TMEM177: variants seen among roughly 807,000 people sequenced by gnomAD.
TMEM177 encodes transmembrane protein 177.
In TMEM177, 4 loss-of-function variants were observed where a neutral mutation model predicts 14.2. That is an observed-to-expected ratio of 0.28 (90% CI 0.14 to 0.64). The LOEUF (loss-of-function observed/expected upper bound fraction) is 0.64. Ranked by LOEUF, TMEM177 falls within the 30% of genes least tolerant of loss-of-function variation. The pLI is 0.82. For synonymous variants in TMEM177, 179 were observed against 174.5 expected, an observed-to-expected ratio of 1.03 and a Z score of -0.20; for missense variants, 344 against 405.2, an observed-to-expected ratio of 0.85 and a Z score of 1.30.
At chr2:119,707,920 C>T in the TMEM177 span, among the ~76,000 whole-genome samples, 2 of 152,350 alleles carry the variant, frequency 1.3e-5, no homozygotes, top group African/African-American at 4.8e-5. Flanking sequence ...CCCTCTCTGT[C>T]TACCTCGGGT....
chr2:119,715,256 C>T, the TMEM177 span, among the ~76,000 whole-genome samples: 2 of 152,170 alleles, frequency 1.3e-5, no homozygotes, highest in African/African-American at 4.8e-5. Context: ...GGCATGGTGG[C>T]TTGCACATGT....
At chr2:119,693,593 CGT>C in the TMEM177 span, among the ~76,000 whole-genome samples, 148 of 152,220 alleles carry the variant, frequency 9.7e-4, no homozygotes, top group African/African-American at 3.1e-3. Flanking sequence ...TGAGCTGACC[CGT>C]GTGTGTCCTA....
the TMEM177 span, among the ~76,000 whole-genome samples, chr2:119,705,977 T>G: frequency 4.8e-5 from 7 of 145,948 alleles, no homozygotes; most frequent in South Asian, 4.2e-4. Flanking sequence ...ATTCTGGCTC[T>G]CTCTCTCTAT....
chr2:119,688,849 G>A (rs747010274), downstream of TMEM177, among the ~76,000 whole-genome samples: 4 of 152,144 alleles, frequency 2.6e-5, no homozygotes, highest in Non-Finnish European at 4.4e-5. Flanking sequence ...GCTGCGGAGC[G>A]GATTTGACTG....
At chr2:119,708,472 A>G in the TMEM177 span, among the ~76,000 whole-genome samples, 1 of 152,342 alleles carries the variant, frequency 6.6e-6, no homozygotes, top group South Asian at 2.1e-4. Flanking sequence ...CCTTATGGCC[A>G]TCAAATATGC....
At chr2:119,700,554 A>G in the TMEM177 span, among the ~76,000 whole-genome samples, 1 of 152,186 alleles carries the variant, frequency 6.6e-6, no homozygotes, top group African/African-American at 2.4e-5. Context: ...TGCAGATGAG[A>G]AAAATGAGAC....
the TMEM177 span, among the ~76,000 whole-genome samples, chr2:119,703,273 G>A: frequency 5.3e-5 from 8 of 152,212 alleles, no homozygotes; most frequent in Non-Finnish European, 1.2e-4. Flanking sequence ...GGAGTTGATG[G>A]CACATCATGG....
At chr2:119,693,374 C>T in the TMEM177 span, among the ~76,000 whole-genome samples, 1 of 152,216 alleles carries the variant, frequency 6.6e-6, no homozygotes, top group Non-Finnish European at 1.5e-5. Context: ...CCTTGTATGA[C>T]AGAGCTGGCC....
At chr2:119,701,618 C>T in the TMEM177 span, among the ~76,000 whole-genome samples, 1 of 152,210 alleles carries the variant, frequency 6.6e-6, no homozygotes, top group Non-Finnish European at 1.5e-5. Context: ...AGTGTAACCG[C>T]CCAATGGGTT....
chr2:119,680,799 G>C, intron 1 of TMEM177, 33 bp from the exon 2 acceptor site: 1 of 1,553,928 alleles, frequency 6.4e-7, no homozygotes, highest in East Asian at 2.3e-5. Flanking sequence ...CTGACCCAGG[G>C]AAACTGGCTG....
chr2:119,708,702 C>T, the TMEM177 span, among the ~76,000 whole-genome samples: 3 of 151,866 alleles, frequency 2.0e-5, no homozygotes, highest in Non-Finnish European at 4.4e-5. Context: ...CGCACTGGCA[C>T]ACCCTGCTCA....
the TMEM177 span, among the ~76,000 whole-genome samples, chr2:119,723,002 A>G: frequency 5.3e-5 from 8 of 152,130 alleles, no homozygotes; most frequent in African/African-American, 9.7e-5. Context: ...CTACACATCT[A>G]TGCTCCTCTG....
At chr2:119,709,817 T>C in the TMEM177 span, among the ~76,000 whole-genome samples, 1 of 152,106 alleles carries the variant, frequency 6.6e-6, no homozygotes, top group African/African-American at 2.4e-5. Flanking sequence ...TGAGCAAGAC[T>C]CCATCTCAAA....
At chr2:119,711,509 G>A in the TMEM177 span, among the ~76,000 whole-genome samples, 3 of 152,164 alleles carry the variant, frequency 2.0e-5, no homozygotes, top group South Asian at 6.2e-4. Context: ...AGCAGAAAAC[G>A]CTTCAGGGCA....
downstream of TMEM177, among the ~76,000 whole-genome samples, chr2:119,690,999 G>C (rs1325742635): frequency 6.6e-6 from 1 of 152,216 alleles, no homozygotes; most frequent in East Asian, 1.9e-4. Flanking sequence ...AGCAGATTGG[G>C]AAGGCCCTTC....
the TMEM177 span, among the ~76,000 whole-genome samples, chr2:119,694,163 G>T: frequency 3.4e-5 from 2 of 57,976 alleles, no homozygotes; most frequent in Non-Finnish European, 7.4e-5. Context: ...CATGCAACGT[G>T]CCACACAACA....
the TMEM177 span, among the ~76,000 whole-genome samples, chr2:119,700,972 T>C: frequency 5.3e-5 from 8 of 152,212 alleles, no homozygotes; most frequent in Non-Finnish European, 8.8e-5. Context: ...CCTAAAAGGC[T>C]CACAGCCTTC....
At chr2:119,700,786 G>A in the TMEM177 span, among the ~76,000 whole-genome samples, 40 of 152,286 alleles carry the variant, frequency 2.6e-4, no homozygotes, top group African/African-American at 7.0e-4. Flanking sequence ...TTTTCCTGCA[G>A]ATTTCTGTCC....
chr2:119,681,887 C>A lies in TMEM177; in HGVS notation c.*98C>A. 1 of 1,077,718 alleles carries A rather than the reference C, an allele frequency of 9.3e-7. No individual in the cohort carries two copies. Among genetic ancestry groups the A allele is most frequent in the Non-Finnish European group, 1.4e-6 (1 of 736,848 alleles). The allele number at this position is 1,077,718 out of a possible 1,614,324, so 66.8% of individuals were successfully genotyped here. ...AGCCTTTGGACCTATAGCTCACGGC[C>A]AGAAAAATCACTGGCTTTGGAATTA... On this transcript the variant is annotated 3_prime_UTR_variant, in exon 2 of 2. Coordinates refer to ENST00000272521, the MANE Select transcript of TMEM177 (RefSeq NM_030577.3).
Sources: allele counts gnomAD v4.1 joint callset (sites outside exome capture counted in the v4.1 genomes callset), GRCh38; gene constraint gnomAD v4.1.1; transcripts MANE v1.5; gene names NCBI Gene and HGNC (gene_info 2026-07-23, HGNC 2026-07-21).